Variants in COL17A1 observed in about 807,000 individuals in gnomAD.
COL17A1 encodes collagen type XVII alpha 1 chain, also known as collagen alpha-1(XVII) chain.
A neutral mutation model predicts 218.4 loss-of-function variants in COL17A1; 181 were observed. The ratio of observed to expected loss-of-function variants is 0.83; its 90% confidence interval spans 0.73 to 0.94. The LOEUF (loss-of-function observed/expected upper bound fraction) is 0.94, where lower values mean the gene tolerates loss of function less well. Ranked by LOEUF, COL17A1 falls within the 40% of genes least tolerant of loss-of-function variation. The probability of loss-of-function intolerance (pLI) is 0.00; values close to 1 mark genes in which losing one functional copy is unlikely to be tolerated. For missense variants in COL17A1, 1,924 were observed against 1,945.9 expected, an observed-to-expected ratio of 0.99 and a Z score of 0.21; for synonymous variants, 721 against 731.0, an observed-to-expected ratio of 0.99 and a Z score of 0.22.
At chr10:104,033,456 G>T in intron 52 of COL17A1, 81 bp from the exon 53 acceptor site, 1 of 1,519,080 alleles carries the variant, frequency 6.6e-7, no homozygotes, top group Non-Finnish European at 9.0e-7. Context: ...CCCTCCGAGT[G>T]TCAAACTCCC....
chr10:104,049,384 G>T, intron 29 of COL17A1, 25 bp downstream of exon 29: 1 of 1,612,368 alleles, frequency 6.2e-7, no homozygotes, highest in Non-Finnish European at 8.5e-7. Flanking sequence ...GGAACTCACT[G>T]AATCCATTCC....
rs1277327700 is a variant in COL17A1 at position 104,055,481 on chromosome 10, C to CACACAA, written c.1688-81_1688-80insTTGTGT. On this transcript the variant is annotated intron_variant, in intron 18 of 55. Coordinates refer to ENST00000648076, the MANE Select transcript of COL17A1 (RefSeq NM_000494.4). ...ACACACACACACACACACACACACA[C>CACACAA]AATAAGGGGATCATGGTATGGGAAG... 36 of 1,498,152 alleles carry CACACAA rather than the reference C, an allele frequency of 2.4e-5. No homozygotes were observed. In the African/African-American group the frequency reaches 5.0e-4, roughly 21 times the overall value. 92.8% of individuals were successfully genotyped at this position (1,498,152 alleles called of 1,614,324 possible).
intron 2 of COL17A1, among the ~76,000 whole-genome samples, chr10:104,079,802 C>T (rs2086748184): frequency 6.6e-6 from 1 of 151,942 alleles, no homozygotes. Flanking sequence ...TGGTGGGCAC[C>T]TGTAATCCCA....
chr10:104,054,277 T>C (rs1257905210), intron 20 of COL17A1, among the ~76,000 whole-genome samples, 159 bp from the exon 21 acceptor site: 1 of 152,270 alleles, frequency 6.6e-6, no homozygotes, highest in African/African-American at 2.4e-5. Flanking sequence ...CACATAGTTT[T>C]AGTTATAAGT....
At chr10:104,067,570 A>T (rs1477175723) in intron 9 of COL17A1, among the ~76,000 whole-genome samples, 1 of 152,182 alleles carries the variant, frequency 6.6e-6, no homozygotes, top group Non-Finnish European at 1.5e-5. Flanking sequence ...TTGCAGACGG[A>T]CAGAGGGGAG....
rs751973956 is a variant in COL17A1, at chr10:104,036,489, T to TA, written c.3418+2dup. 1 of 1,613,838 alleles carries TA rather than the reference T, an allele frequency of 6.2e-7. No individual in the cohort carries two copies. Among genetic ancestry groups the TA allele is most frequent in the East Asian group, 2.2e-5 (1 of 44,856 alleles). On this transcript the variant is annotated splice_region_variant and intron_variant, in intron 48 of 55. Transcript: ENST00000648076. ...CCCAACCACCCCTCCTGCAGACACT[T>TA]ACTCGACATGTAGCTGAGAATGCGA...
rs2086504372 is a variant in COL17A1, at chr10:104,054,843, T to A, written c.1744+138A>T. ...CCAAAGGTCCCTGGGATTGGAAACC[T>A]CTCCTCCTCACACACCTGTCCCATC... On this transcript the variant is annotated intron_variant, in intron 20 of 55. Coordinates refer to ENST00000648076, the MANE Select transcript of COL17A1 (RefSeq NM_000494.4). 3 of 1,384,238 alleles carry A rather than the reference T, an allele frequency of 2.2e-6. No individual in the cohort carries two copies. The Admixed American group carries it at 5.9e-5, about 27-fold the overall frequency. The allele number at this position is 1,384,238 out of a possible 1,614,324, so 85.7% of individuals were successfully genotyped here. A position where few individuals can be genotyped will look rare whatever the true frequency, so the allele number is the denominator to read the frequency against.
chr10:104,054,794 C>G (rs1354514680), intron 20 of COL17A1, among the ~76,000 whole-genome samples, 187 bp downstream of exon 20: 1 of 152,152 alleles, frequency 6.6e-6, no homozygotes, highest in African/African-American at 2.4e-5. Context: ...TCAGCTGGAC[C>G]AAGGAAAACT....
chr10:104,076,495 G>A, intron 4 of COL17A1, 66 bp from the exon 5 acceptor site: 1 of 1,608,332 alleles, frequency 6.2e-7, no homozygotes, highest in Non-Finnish European at 8.5e-7. Flanking sequence ...TGGCTACTGT[G>A]ACCCAGCTAT....
rs770337635 is a variant in COL17A1, at chr10:104,032,244, G to A, written c.4485C>T (p.Val1495=). The change falls in exon 56 of 56, where the codon GTC becomes GTT. Residue 1495 remains valine (V), a synonymous_variant. Transcript: ENST00000648076. ...AGRRRRRSIA[V]KP is the part of the protein sequence containing the mutation. The stretch of plus-strand genomic sequence containing the variant: ...TCCTGCCATGGCTAGCTCACGGCTT[G>A]ACAGCAATACTTCTTCTCCTTCTCC... 32 of 1,613,732 alleles carry A rather than the reference G, an allele frequency of 2.0e-5. No individual in the cohort carries two copies. Among genetic ancestry groups the A allele is most frequent in the Non-Finnish European group, 2.5e-5 (30 of 1,179,824 alleles).
chr10:104,055,921 C>T lies in COL17A1; in HGVS notation c.1548G>A (p.Met516Ile). The part of the protein sequence containing the change: ...RRSILPYGDS[M>I]DRIEKDRLQG... ...GGAGGCGGTCCTTTTCTATTCTATCCATGCTGTCCCCATAGGGCAGTATGC... is the reference window on the plus strand; with the variant it reads ...GGAGGCGGTCCTTTTCTATTCTATCTATGCTGTCCCCATAGGGCAGTATGC... The change falls in exon 18 of 56, where the codon ATG becomes ATA. Residue 516 changes from methionine (M) to isoleucine (I), a missense_variant. By Grantham distance (10) the Met-to-Ile change is conservative. Transcript: ENST00000648076. 1 of 1,614,212 alleles carries T rather than the reference C, an allele frequency of 6.2e-7. No individual in the cohort carries two copies. Among genetic ancestry groups the T allele is most frequent in the Non-Finnish European group, 8.5e-7 (1 of 1,180,038 alleles).
intron 38 of COL17A1, 48 bp from the exon 39 acceptor site, chr10:104,041,166 G>A (rs2086355864): frequency 1.9e-6 from 3 of 1,611,662 alleles, no homozygotes; most frequent in Admixed American, 3.3e-5. Flanking sequence ...AGGGGAGCCA[G>A]GAACCCTCTG....
At chr10:104,084,794 C>T (rs968790456) in intron 1 of COL17A1, among the ~76,000 whole-genome samples, 1 of 152,156 alleles carries the variant, frequency 6.6e-6, no homozygotes, top group Non-Finnish European at 1.5e-5. Context: ...TGTGCCTTAG[C>T]TCTAAGAGAG....
rs932003682 is a variant in COL17A1 at position 104,031,689 on chromosome 10, G to A, written c.*546C>T. 1 of 163,414 alleles carries A rather than the reference G, an allele frequency of 6.1e-6. No individual in the cohort carries two copies. The highest frequency in any genetic ancestry group is 2.4e-5 in the African/African-American group (1 of 41,564). 10.1% of individuals were successfully genotyped at this position (163,414 alleles called of 1,614,324 possible). ...AACCCTATCATCACCTCCTAGAGGGGAAGTGAATTTCTTAATTTTTTTAGT... is the reference window on the plus strand; with the variant it reads ...AACCCTATCATCACCTCCTAGAGGGAAAGTGAATTTCTTAATTTTTTTAGT... On this transcript the variant is annotated 3_prime_UTR_variant, in exon 56 of 56. Transcript: ENST00000648076.
chr10:104,036,441 C>G, intron 48 of COL17A1, 51 bp downstream of exon 48: 12 of 1,612,446 alleles, frequency 7.4e-6, no homozygotes, highest in Non-Finnish European at 1.0e-5. Flanking sequence ...TGCGAGTCCT[C>G]ATCCCAGTCA....
chr10:104,035,344 G>A lies in COL17A1; in HGVS notation c.3538C>T (p.Pro1180Ser), dbSNP rs369858510. The A allele has an allele frequency of 4.1e-5, 66 of 1,614,092 alleles. 1 individual carries two copies. Among genetic ancestry groups the A allele is most frequent in the South Asian group, 5.5e-5 (5 of 91,092 alleles). The change falls in exon 50 of 56, where the codon CCA (proline) becomes TCA (serine). Residue 1180 changes from proline to serine, a missense_variant. Transcript: ENST00000648076. ...ATCCCTGGTGGACCCGGGGGACCTG[G>A]GGGTCCAACGATGCCTCTGAATTCA... ...GSEFRGIVGP[P>S]GPPGPPGIPG...
intron 48 of COL17A1, 21 bp from the exon 49 acceptor site, chr10:104,035,584 G>A: frequency 2.5e-6 from 4 of 1,598,048 alleles, no homozygotes; most frequent in Non-Finnish European, 2.6e-6. Context: ...GATGGATTCA[G>A]ATCAGGCAGG....
chr10:104,081,526 G>C (rs183524894), intron 1 of COL17A1, among the ~76,000 whole-genome samples: 1 of 152,170 alleles, frequency 6.6e-6, no homozygotes, highest in South Asian at 2.1e-4. Flanking sequence ...GCACAGCAAG[G>C]GTCCCGTCCC....
rs1193192907 is a variant in COL17A1, at chr10:104,041,336, T to G, written c.2614A>C (p.Ile872Leu). Residue 872 changes from isoleucine to leucine, a missense_variant, in exon 38 of 56, where the codon ATT becomes CTT. Physicochemically the swap from Ile to Leu is conservative, Grantham distance 5 (BLOSUM62 2). Transcript: ENST00000648076. ...CCTCGGGGTCCTGGTGGGCCTGGAATGGAAGGCCCTGCAGAAGAGAGCAAG... is the reference window on the plus strand; with the variant it reads ...CCTCGGGGTCCTGGTGGGCCTGGAAGGGAAGGCCCTGCAGAAGAGAGCAAG... Reference protein sequence around the residue: ...PGPRGPPGPSIPGPPGPRGPP... With the variant: ...PGPRGPPGPSLPGPPGPRGPP... 1.2e-6 allele frequency: 2 copies of G among 1,610,400 alleles called. No homozygotes were observed. Among genetic ancestry groups the G allele is most frequent in the East Asian group, 4.5e-5 (2 of 44,810 alleles).
Sources: gnomAD v4.1 joint callset for allele counts (sites outside exome capture counted in the v4.1 genomes callset) on GRCh38, gnomAD v4.1.1 for gene constraint, MANE v1.5 for transcripts, NCBI Gene and HGNC (gene_info 2026-07-23, HGNC 2026-07-21) for gene names.